The following LCP2 variants were observed in gnomAD, a reference collection of about 807,000 sequenced individuals.
The protein encoded by LCP2 is 76 kDa tyrosine phosphoprotein.
In LCP2, 29 loss-of-function variants were observed where a neutral mutation model predicts 74.5. That is an observed-to-expected ratio of 0.39 (90% confidence interval 0.29 to 0.53). The LOEUF (loss-of-function observed/expected upper bound fraction) is 0.53. LCP2 is among the 20% of genes least tolerant of loss of function. The pLI is 0.72. For missense variants in LCP2, 604 were observed against 634.6 expected (o/e 0.95, Z 0.52); for synonymous variants, 228 against 229.5 (o/e 0.99, Z 0.06).
chr5:170,270,907 T>A lies in LCP2; in HGVS notation c.335A>T (p.Asp112Val). 6.2e-7 allele frequency: 1 copy of A among 1,612,092 alleles called. No homozygotes were observed. Among genetic ancestry groups the A allele is most frequent in the Non-Finnish European group, 8.5e-7 (1 of 1,179,092 alleles). The change falls in exon 7 of 21, where the codon GAT becomes GTT. Residue 112 changes from aspartate (D) to valine (V), a missense_variant. Physicochemically the swap from Asp to Val is radical, Grantham distance 152 (BLOSUM62 -3). Transcript: ENST00000046794. ...NGGWSSFEED[D>V]YESPNDDQDG... is the part of the protein sequence containing the mutation. ...CTGGTCATCATTGGGACTTTCATAA[T>A]CGTCTTCTTCCTGCCCACACAGTGA...
chr5:170,282,128 C>T (rs575171308), intron 3 of LCP2, among the ~76,000 whole-genome samples: 17 of 152,170 alleles, frequency 1.1e-4, no homozygotes, highest in African/African-American at 3.9e-4. Flanking sequence ...AGAGTGACTG[C>T]ATTTTCAGGC....
At position 170,258,050 on chromosome 5, in the gene LCP2, C is replaced by T. The variant is rs1230092221; in HGVS notation, c.1087G>A (p.Ala363Thr). 7 of 1,613,824 alleles carry T rather than the reference C, an allele frequency of 4.3e-6. No homozygotes were observed. Among genetic ancestry groups the T allele is most frequent in the Non-Finnish European group, 4.2e-6 (5 of 1,179,836 alleles). ...AGAGCTACAAACCTTTCTGAGAATG[C>T]TCCAGGCATGTGAGAGGATGGGAGA... is the stretch of plus-strand genomic sequence containing the variant. ...NPLPSSHMPG[A>T]FSESNSSFPQ... The change falls in exon 16 of 21, where the codon GCA (alanine) becomes ACA (threonine). Residue 363 changes from alanine (A) to threonine (T), a missense_variant. Ala to Thr is a moderately conservative substitution (Grantham distance 58). Transcript: ENST00000046794.
Position 170,274,350 on chromosome 5 carries a change from G to A in LCP2, c.287-12C>T, listed in dbSNP as rs2113187207. The A allele has an allele frequency of 6.2e-7, 1 of 1,612,534 alleles. No individual in the cohort carries two copies. Among genetic ancestry groups the A allele is most frequent in the African/African-American group, 1.3e-5 (1 of 75,008 alleles). ...CTCTTCGTGGCTTTCTGTGGAAGGA[G>A]ATGACACCACCATCAGCACTGAAGA... On this transcript the variant is annotated splice_polypyrimidine_tract_variant and intron_variant, in intron 5 of 20. Coordinates refer to ENST00000046794, the MANE Select transcript of LCP2 (RefSeq NM_005565.5).
At chr5:170,288,487 T>A (rs2113209733) in intron 2 of LCP2, among the ~76,000 whole-genome samples, 1 of 152,270 alleles carries the variant, frequency 6.6e-6, no homozygotes, top group Non-Finnish European at 1.5e-5. Flanking sequence ...CCAGAGAACC[T>A]CTTTCACCAG....
chr5:170,289,070 A>G (rs892270379), intron 2 of LCP2, among the ~76,000 whole-genome samples: 2 of 152,196 alleles, frequency 1.3e-5, no homozygotes, highest in African/African-American at 4.8e-5. Flanking sequence ...TCATTCACTT[A>G]GCAGCTGTGT....
chr5:170,270,850 G>C lies in LCP2; in HGVS notation c.392C>G (p.Pro131Arg). The change falls in exon 7 of 21, where the codon CCC (proline) becomes CGC (arginine). Residue 131 changes from proline to arginine, a missense_variant. Pro to Arg is a moderately radical substitution (Grantham distance 103, BLOSUM62 -2). Coordinates refer to ENST00000046794, the MANE Select transcript of LCP2 (RefSeq NM_005565.5). ...CACGGGTGCCTCTTCCTCCTCATTG[G>C]GGGACTCATAGTCTCCATCATCCTC... is the stretch of plus-strand genomic sequence containing the variant. Reference protein sequence around the residue: ...DGEDDGDYESPNEEEEAPVED... With the variant: ...DGEDDGDYESRNEEEEAPVED... 6.2e-7 allele frequency: 1 copy of C among 1,612,414 alleles called. No individual in the cohort carries two copies. Among genetic ancestry groups the C allele is most frequent in the Non-Finnish European group, 8.5e-7 (1 of 1,179,220 alleles).
chr5:170,252,448 T>G lies in LCP2; in HGVS notation c.1309A>C (p.Arg437=). The G allele has an allele frequency of 6.4e-7, 1 of 1,572,194 alleles. No homozygotes were observed. The highest frequency in any genetic ancestry group is 8.7e-7 in the Non-Finnish European group (1 of 1,145,596). ...ITRPEAEAAL[R]KINQDGTFLV... ...TAGCACAATACCTGGTTTATCTTTC[T>G]AAGAGCAGCTTCTGCCTCTGGTCGG... Residue 437 remains arginine (R), a synonymous_variant, in exon 19 of 21, where the codon AGA becomes CGA. Coordinates refer to ENST00000046794, the MANE Select transcript of LCP2 (RefSeq NM_005565.5).
chr5:170,252,550 A>G, intron 18 of LCP2, 39 bp from the exon 19 acceptor site: 1 of 1,043,918 alleles, frequency 9.6e-7, no homozygotes, highest in Non-Finnish European at 1.5e-6. Flanking sequence ...TAAATTTTAC[A>G]GTTACAGATG....
chr5:170,255,631 T>C (rs1761536516), intron 17 of LCP2, among the ~76,000 whole-genome samples: 1 of 152,228 alleles, frequency 6.6e-6, no homozygotes, highest in Non-Finnish European at 1.5e-5. Flanking sequence ...TCGACAAGCA[T>C]TTTTAAAGTG....
chr5:170,284,082 C>T (rs1047535147), intron 3 of LCP2, among the ~76,000 whole-genome samples: 3 of 152,192 alleles, frequency 2.0e-5, no homozygotes, highest in African/African-American at 7.2e-5. Context: ...AAAGGCCTGA[C>T]ACATTGTAGT....
chr5:170,261,212 G>C (rs1761644396), intron 13 of LCP2, 75 bp from the exon 14 acceptor site: 1 of 1,144,028 alleles, frequency 8.7e-7, no homozygotes, highest in Non-Finnish European at 1.3e-6. Flanking sequence ...ATACAGTTTT[G>C]CTTCATTGAA....
In LCP2 at chr5:170,267,065, G is replaced by A; in HGVS notation, c.632C>T (p.Pro211Leu). ...GGGTTCTTCGTGGTTGGTCTGGGGT[G>A]GGGGCAGTGGCTGCATAAAGATCCA... is the stretch of plus-strand genomic sequence containing the variant. Reference protein sequence around the residue: ...PAGRNHSPLPPPQTNHEEPSR... With the variant: ...PAGRNHSPLPLPQTNHEEPSR... Residue 211 changes from proline (P) to leucine (L), a missense_variant, in exon 9 of 21, where the codon CCA becomes CTA. Pro to Leu is a moderately conservative substitution (Grantham distance 98). Coordinates refer to ENST00000046794, the MANE Select transcript of LCP2 (RefSeq NM_005565.5). The A allele has an allele frequency of 6.2e-7, 1 of 1,613,864 alleles. No homozygotes were observed. The highest frequency in any genetic ancestry group is 1.1e-5 in the South Asian group (1 of 91,070).
At chr5:170,291,660 A>G (rs1028125420) in intron 2 of LCP2, among the ~76,000 whole-genome samples, 2 of 152,214 alleles carry the variant, frequency 1.3e-5, no homozygotes, top group Non-Finnish European at 2.9e-5. Context: ...GGGAGGGGCC[A>G]TCACCCACTA....
Position 170,246,799 on chromosome 5 carries a change from T to C in LCP2, c.*1898A>G, listed in dbSNP as rs1761308652. On this transcript the variant is annotated 3_prime_UTR_variant, in exon 21 of 21. Transcript: ENST00000046794. ...ACTGTGACTGATGCACCTGGGGTCA[T>C]ATAGAAGGTCTGTGGCCAAAAGAGG... The C allele has an allele frequency of 1.3e-5, 2 of 152,286 alleles. No homozygotes were observed. Among genetic ancestry groups the C allele is most frequent in the South Asian group, 4.1e-4 (2 of 4,822 alleles). The allele number at this position is 152,286 out of a possible 1,614,324, so 9.4% of individuals were successfully genotyped here.
At position 170,256,381 on chromosome 5, in the gene LCP2, C is replaced by A; in HGVS notation, c.1150+145G>T. ...CATTCCGACAGCCCTTGGCACACTG[C>A]AGACACGGAATTAAATGTTGAATGA... On this transcript the variant is annotated intron_variant, in intron 17 of 20. Coordinates refer to ENST00000046794, the MANE Select transcript of LCP2 (RefSeq NM_005565.5). This position sits in a 1 kb window ranked among gnomAD's most constrained non-coding sequence, Gnocchi z 4.5. The A allele has an allele frequency of 1.4e-6, 1 of 691,280 alleles. No homozygotes were observed. Among genetic ancestry groups the A allele is most frequent in the East Asian group, 2.7e-5 (1 of 36,546 alleles). 42.8% of individuals were successfully genotyped at this position (691,280 alleles called of 1,614,324 possible). A position where few individuals can be genotyped will look rare whatever the true frequency, so the allele number is the denominator to read the frequency against.
chr5:170,253,210 G>C lies in LCP2; in HGVS notation c.1154C>G (p.Pro385Arg). Residue 385 changes from proline to arginine, a missense_variant, in exon 18 of 21, where the codon CCT (proline) becomes CGT (arginine). Coordinates refer to ENST00000046794, the MANE Select transcript of LCP2 (RefSeq NM_005565.5). The part of the protein sequence containing the change: ...ASLPPYFSQG[P>R]SNRPPIRAEG... ...GGCTCTGATAGGTGGTCTGTTGCTA[G>C]GGCCTTCAAAAGTATAGAATTCTGA... 6.3e-7 allele frequency: 1 copy of C among 1,598,012 alleles called. No individual in the cohort carries two copies. Among genetic ancestry groups the C allele is most frequent in the Non-Finnish European group, 8.5e-7 (1 of 1,170,186 alleles).
At chr5:170,289,671 T>TTCTTTCTCTCTC (rs1554141414) in intron 2 of LCP2, among the ~76,000 whole-genome samples, 4 of 84,050 alleles carry the variant, frequency 4.8e-5, no homozygotes, top group Admixed American at 1.2e-4. Context: ...CTTTCTTTCT[T>TTCTTTCTCTCTC]TCTCTCTCTC....
chr5:170,261,154 CA>C lies in LCP2; in HGVS notation c.927-18del. On this transcript the variant is annotated intron_variant, in intron 13 of 20. Transcript: ENST00000046794. Reference sequence around the variant, plus strand: ...CATCCATGCCTGAAATGAATTAGGGCAAATAAAAAGAACTGAGCATGAAGAG... The same window carrying C: ...CATCCATGCCTGAAATGAATTAGGGCAATAAAAAGAACTGAGCATGAAGAG... 6.3e-7 allele frequency: 1 copy of C among 1,588,918 alleles called. No individual in the cohort carries two copies. The highest frequency in any genetic ancestry group is 2.2e-5 in the East Asian group (1 of 44,760).
chr5:170,259,635 T>C (rs1761618601), intron 14 of LCP2, among the ~76,000 whole-genome samples: 1 of 152,282 alleles, frequency 6.6e-6, no homozygotes, highest in South Asian at 2.1e-4. Flanking sequence ...CAAAGTGTTG[T>C]TAGAAGGATT....
Sources: allele counts gnomAD v4.1 joint callset (sites outside exome capture counted in the v4.1 genomes callset), GRCh38; gene constraint gnomAD v4.1.1; non-coding constraint Gnocchi (gnomAD v3.1); transcripts MANE v1.5; gene names NCBI Gene and HGNC (gene_info 2026-07-23, HGNC 2026-07-21).